CAMTA1: variants seen among roughly 807,000 people sequenced by gnomAD.
The protein encoded by CAMTA1 is calmodulin binding transcription activator 1.
CAMTA1 carries 27 observed loss-of-function variants against 170.9 expected under a neutral mutation model. The observed-to-expected ratio is 0.16, with a 90% CI of 0.12 to 0.22. The LOEUF is 0.22. Among genes scored for constraint, CAMTA1 ranks in the 10% least tolerant of loss-of-function variants. The probability of loss-of-function intolerance (pLI) is 1.00; values close to 1 mark genes in which losing one functional copy is unlikely to be tolerated. For synonymous variants in CAMTA1, 833 were observed against 891.5 expected, an observed-to-expected ratio of 0.93 and a Z score of 1.17; for missense variants, 1,619 against 2,217.2, an observed-to-expected ratio of 0.73 and a Z score of 5.42.
At chr1:7,752,012 A>C (rs1241617072) in intron 20 of CAMTA1, among the ~76,000 whole-genome samples, 1 of 152,212 alleles carries the variant, frequency 6.6e-6, no homozygotes, top group South Asian at 2.1e-4. Context: ...GTTCCATTTT[A>C]GAGACTGTAA....
rs189984408 is a variant in CAMTA1, at chr1:7,248,086, G to A, written c.303-1405G>A. Among the ~76,000 whole-genome samples, 1,019 of 152,246 alleles carry A rather than the reference G, an allele frequency of 6.7e-3. 7 individuals are homozygous for A. The highest frequency in any genetic ancestry group is 0.011 in the Non-Finnish European group (731 of 68,018). ...ATTGCTGTTTAGTCATCATATTGCC[G>A]CTGAATGACATAGTGGGGCTGGGTG... On this transcript the variant is annotated intron_variant, in intron 4 of 22. Transcript: ENST00000303635. This position sits in a 1 kb window ranked among gnomAD's most constrained non-coding sequence, Gnocchi z 4.0.
rs1054688822 is a variant in CAMTA1 at position 7,435,231 on chromosome 1, C to T, written c.439-32599C>T. Among the ~76,000 whole-genome samples, 1 of 151,906 alleles carries T rather than the reference C, an allele frequency of 6.6e-6. No individual in the cohort carries two copies. Among genetic ancestry groups the T allele is most frequent in the African/African-American group, 2.4e-5 (1 of 41,446 alleles). ...CAACAGCTGCATTTTGGAGGGGGTG[C>T]ATTCAAACCACAGCAGTTTGCCTAG... On this transcript the variant is annotated intron_variant, in intron 5 of 22. Coordinates refer to ENST00000303635, the MANE Select transcript of CAMTA1 (RefSeq NM_015215.4). The surrounding 1 kb of genome is among the most constrained non-coding windows in gnomAD (Gnocchi z 4.4).
Position 7,707,859 on chromosome 1 carries a change from T to G in CAMTA1, c.2915-24589T>G, listed in dbSNP as rs537909433. Among the ~76,000 whole-genome samples the G allele has an allele frequency of 2.0e-5, 3 of 152,356 alleles. No homozygotes were observed. The East Asian group carries it at 5.8e-4, about 29-fold the overall frequency. On this transcript the variant is annotated intron_variant, in intron 11 of 22. Transcript: ENST00000303635. ...AGTCTTCTCCTCTTCTTGAGTGAAT[T>G]GCCCTGAAGTCAAATGACCATCTTT...
At chr1:7,008,559 C>T (rs1350827942) in intron 3 of CAMTA1, 1 of 152,174 alleles carries the variant, frequency 6.6e-6, no homozygotes, top group Non-Finnish European at 1.5e-5. Context: ...GCACCCTCCA[C>T]AGAGCACCGT....
At chr1:7,451,334 C>T (rs2092819844) in intron 5 of CAMTA1, among the ~76,000 whole-genome samples, 1 of 152,180 alleles carries the variant, frequency 6.6e-6, no homozygotes, top group Non-Finnish European at 1.5e-5. Context: ...TGGCCCCAGG[C>T]AGCTCAGCCC....
intron 3 of CAMTA1, among the ~76,000 whole-genome samples, chr1:7,053,383 A>G (rs7540415): frequency 0.023 from 3,573 of 152,262 alleles, 136 homozygotes; most frequent in African/African-American, 0.082. Flanking sequence ...GCGAGGTGTG[A>G]TGCGGGAGCG....
chr1:7,150,036 C>T (rs967150254), intron 4 of CAMTA1, among the ~76,000 whole-genome samples: 8 of 152,206 alleles, frequency 5.3e-5, no homozygotes, highest in African/African-American at 1.9e-4. Context: ...AGACGTTCAA[C>T]TCCAACAGGG....
Position 7,056,668 on chromosome 1 carries a change from G to A in CAMTA1, c.235-34636G>A, listed in dbSNP as rs189372617. Among the ~76,000 whole-genome samples the A allele has an allele frequency of 4.0e-4, 61 of 152,050 alleles. No homozygotes were observed. The East Asian group carries it at 0.011, about 28-fold the overall frequency. On this transcript the variant is annotated intron_variant, in intron 3 of 22. Coordinates refer to ENST00000303635, the MANE Select transcript of CAMTA1 (RefSeq NM_015215.4). ...GAGGAGCTCAGAGTCAGGGGATGGGGAGGCAGACCCCCGAGGGACTCCCAG... is the reference window on the plus strand; with the variant it reads ...GAGGAGCTCAGAGTCAGGGGATGGGAAGGCAGACCCCCGAGGGACTCCCAG...
chr1:7,091,432 A>G, intron 4 of CAMTA1, 61 bp downstream of exon 4: 1 of 1,294,258 alleles, frequency 7.7e-7, no homozygotes, highest in Non-Finnish European at 1.1e-6. Flanking sequence ...ATTTGCATTG[A>G]TTACCTGATT....
At chr1:7,710,287 C>T (rs1047045000) in intron 11 of CAMTA1, among the ~76,000 whole-genome samples, 1 of 152,106 alleles carries the variant, frequency 6.6e-6, no homozygotes, top group Non-Finnish European at 1.5e-5. Flanking sequence ...AAAACTCCAC[C>T]TCAGACTGGC....
At chr1:6,791,592 T>C (rs939337782) in intron 1 of CAMTA1, among the ~76,000 whole-genome samples, 4 of 152,190 alleles carry the variant, frequency 2.6e-5, no homozygotes, top group Admixed American at 2.0e-4. Context: ...CAAGGAAGTA[T>C]GGGGGCCTCT....
chr1:7,365,978 C>T (rs1190036714), intron 5 of CAMTA1, among the ~76,000 whole-genome samples: 1 of 152,224 alleles, frequency 6.6e-6, no homozygotes, highest in Non-Finnish European at 1.5e-5. Flanking sequence ...GCCCTCTGGG[C>T]TCACTTGGCA....
chr1:7,594,024 A>C (rs543877948), intron 6 of CAMTA1, among the ~76,000 whole-genome samples: 1 of 140,558 alleles, frequency 7.1e-6, no homozygotes, highest in African/African-American at 2.5e-5. Flanking sequence ...CCTGGGCAAC[A>C]GAGTGAGATT....
chr1:7,223,260 G>T (rs2149144194), intron 4 of CAMTA1, among the ~76,000 whole-genome samples: 1 of 151,164 alleles, frequency 6.6e-6, no homozygotes, highest in Middle Eastern at 3.4e-3. Context: ...GAGCAAAGCA[G>T]ATTCAGTGTC....
chr1:7,322,115 C>G (rs2149688614), intron 5 of CAMTA1, among the ~76,000 whole-genome samples: 1 of 152,316 alleles, frequency 6.6e-6, no homozygotes, highest in African/African-American at 2.4e-5. Context: ...TCCCTATCCC[C>G]TGTGTGGGGG....
intron 11 of CAMTA1, among the ~76,000 whole-genome samples, chr1:7,725,946 G>A (rs2096682430): frequency 1.3e-5 from 2 of 152,312 alleles, no homozygotes; most frequent in Non-Finnish European, 1.5e-5. Context: ...GCCAGGAACA[G>A]GCGGGTGGGT....
chr1:7,683,605 C>T (rs1239851786), intron 11 of CAMTA1, among the ~76,000 whole-genome samples: 1 of 152,014 alleles, frequency 6.6e-6, no homozygotes, highest in East Asian at 1.9e-4. Context: ...CTGGTTAGCG[C>T]ATGGGCCCCT....
Position 7,323,029 on chromosome 1 carries a change from T to A in CAMTA1, c.438+73403T>A, listed in dbSNP as rs1389403472. Among the ~76,000 whole-genome samples, 5 of 144,214 alleles carry A rather than the reference T, an allele frequency of 3.5e-5. No homozygotes were observed. The South Asian group carries it at 9.9e-4, about 28-fold the overall frequency. 94.6% of individuals were successfully genotyped at this position (144,214 alleles called of 152,430 possible). The stretch of plus-strand genomic sequence containing the variant: ...TCCCTTCCCTCCCTCCCTCCTTCTT[T>A]CCTTCTACTTTTTGTGTGTTGATTC... On this transcript the variant is annotated intron_variant, in intron 5 of 22. Transcript: ENST00000303635.
intron 3 of CAMTA1, among the ~76,000 whole-genome samples, chr1:6,837,202 C>T (rs1003918745): frequency 1.1e-4 from 17 of 152,044 alleles, no homozygotes; most frequent in Admixed American, 7.2e-4. Flanking sequence ...GTGATCCACC[C>T]GCCTCGGCCT....
Sources: gnomAD v4.1 joint callset for allele counts (sites outside exome capture counted in the v4.1 genomes callset) on GRCh38, gnomAD v4.1.1 for gene constraint, Gnocchi (gnomAD v3.1) non-coding constraint, MANE v1.5 for transcripts, NCBI Gene and HGNC (gene_info 2026-07-23, HGNC 2026-07-21) for gene names.